CDH1: variants seen among roughly 807,000 people sequenced by gnomAD.
CDH1 encodes the protein cadherin 1.
In CDH1, 35 loss-of-function variants were observed where a neutral mutation model predicts 84.5. That is an observed-to-expected ratio of 0.41 (90% CI 0.32 to 0.55). The LOEUF (loss-of-function observed/expected upper bound fraction) is 0.55. Among genes scored for constraint, CDH1 ranks in the 20% least tolerant of loss-of-function variants. The pLI is 0.19. For missense variants in CDH1, 994 were observed against 1,126.6 expected, an observed-to-expected ratio of 0.88 and a Z score of 1.68; for synonymous variants, 417 against 439.0, an observed-to-expected ratio of 0.95 and a Z score of 0.63.
At chr16:68,775,313 T>G (rs1772605696) in intron 2 of CDH1, among the ~76,000 whole-genome samples, 1 of 152,172 alleles carries the variant, frequency 6.6e-6, no homozygotes, top group African/African-American at 2.4e-5. Context: ...ACAATGCCAT[T>G]ATCACAACTA....
chr16:68,807,357 G>A (rs1960692737), intron 3 of CDH1, among the ~76,000 whole-genome samples: 2 of 152,072 alleles, frequency 1.3e-5, no homozygotes, highest in Admixed American at 1.3e-4. Flanking sequence ...TCCACGTTGA[G>A]GACCTGTGTC....
chr16:68,760,017 A>C (rs10468275), intron 2 of CDH1, among the ~76,000 whole-genome samples: 1 of 151,064 alleles, frequency 6.6e-6, no homozygotes, highest in African/African-American at 2.4e-5. Context: ...TGCCCGGCTG[A>C]GTTTTTAAAA....
At chr16:68,786,862 C>A (rs1960066331) in intron 2 of CDH1, among the ~76,000 whole-genome samples, 1 of 152,218 alleles carries the variant, frequency 6.6e-6, no homozygotes, top group South Asian at 2.1e-4. Context: ...GCAGTGTTGG[C>A]TCCCAGCTGT....
intron 2 of CDH1, among the ~76,000 whole-genome samples, chr16:68,761,042 C>T (rs894129037): frequency 1.3e-5 from 2 of 152,178 alleles, no homozygotes; most frequent in Non-Finnish European, 2.9e-5. Flanking sequence ...ACTTCCGGTC[C>T]TCGAGTCACA....
chr16:68,814,411 G>T, intron 9 of CDH1: 1 of 152,812 alleles, frequency 6.5e-6, no homozygotes. Flanking sequence ...AACTGGGCGT[G>T]GTGGTGCACA....
intron 6 of CDH1, among the ~76,000 whole-genome samples, chr16:68,810,936 G>C (rs1009490782): frequency 7.9e-5 from 12 of 151,792 alleles, no homozygotes; most frequent in African/African-American, 1.2e-4. Context: ...AAACTCCCGG[G>C]CCCAAGCAAT....
intron 10 of CDH1, among the ~76,000 whole-genome samples, chr16:68,818,743 C>A (rs1338188206): frequency 6.8e-6 from 1 of 146,106 alleles, no homozygotes; most frequent in Non-Finnish European, 1.5e-5. Context: ...CCAGCTACTC[C>A]GGAGGCTGAG....
chr16:68,830,141 G>T (rs910244626), intron 15 of CDH1, among the ~76,000 whole-genome samples: 13 of 151,650 alleles, frequency 8.6e-5, no homozygotes, highest in African/African-American at 2.9e-4. Flanking sequence ...TTTAATAGAG[G>T]CAGGGTTTCT....
At chr16:68,748,530 TC>T (rs1428563760) in intron 2 of CDH1, among the ~76,000 whole-genome samples, 11 of 152,238 alleles carry the variant, frequency 7.2e-5, no homozygotes, top group Non-Finnish European at 1.6e-4. Context: ...ATTTAGCCAG[TC>T]CCTGATAGAT....
intron 2 of CDH1, among the ~76,000 whole-genome samples, chr16:68,745,646 C>T (rs1382029656): frequency 1.1e-4 from 6 of 56,322 alleles, no homozygotes; most frequent in Non-Finnish European, 2.2e-4. Flanking sequence ...TTTCATGATG[C>T]ACATGCCTAA....
chr16:68,823,347 C>A (rs1032615359), intron 12 of CDH1, 52 bp from the exon 13 acceptor site: 44 of 1,321,164 alleles, frequency 3.3e-5, no homozygotes, highest in Admixed American at 1.2e-4. Flanking sequence ...CTGGAATGAG[C>A]TTTTTATTTT....
chr16:68,782,823 C>T (rs772587950), intron 2 of CDH1, among the ~76,000 whole-genome samples: 24 of 152,104 alleles, frequency 1.6e-4, no homozygotes, highest in African/African-American at 5.6e-4. Flanking sequence ...CTTGCCCCTC[C>T]GTCCCTGGAC....
At chr16:68,743,081 T>C (rs1597842311) in intron 2 of CDH1, among the ~76,000 whole-genome samples, 2 of 152,312 alleles carry the variant, frequency 1.3e-5, no homozygotes, top group East Asian at 3.9e-4. Context: ...TGCCAGGTGG[T>C]TATGGAAATC....
intron 2 of CDH1, among the ~76,000 whole-genome samples, chr16:68,764,098 A>T (rs1415860725): frequency 1.3e-5 from 2 of 152,188 alleles, no homozygotes; most frequent in Non-Finnish European, 2.9e-5. Flanking sequence ...TTTACTTGTT[A>T]AAAAAGATGA....
At chr16:68,807,338 T>G (rs1197517602) in intron 3 of CDH1, among the ~76,000 whole-genome samples, 5 of 152,136 alleles carry the variant, frequency 3.3e-5, no homozygotes, top group Non-Finnish European at 7.4e-5. Flanking sequence ...CTACTTGTTT[T>G]GGGATAACTC....
intron 2 of CDH1, among the ~76,000 whole-genome samples, chr16:68,758,407 T>G (rs144462104): frequency 2.4e-3 from 364 of 151,760 alleles, no homozygotes; most frequent in Middle Eastern, 6.8e-3. Context: ...CAGTGCCTGG[T>G]ACGTAGCAAC....
intron 2 of CDH1, among the ~76,000 whole-genome samples, chr16:68,747,929 A>G (rs185660610): frequency 6.6e-6 from 1 of 151,810 alleles, no homozygotes; most frequent in East Asian, 1.9e-4. Flanking sequence ...ACACCCGGCT[A>G]ATTTTTGTAT....
chr16:68,805,309 C>T lies in CDH1; in HGVS notation c.388-3115C>T, dbSNP rs1046817586. Among the ~76,000 whole-genome samples, 6 of 152,006 alleles carry T rather than the reference C, an allele frequency of 3.9e-5. No individual in the cohort carries two copies. The South Asian group carries it at 6.2e-4, about 16-fold the overall frequency. ...TGCTGGGATTATAGGCGTGAGCCAC[C>T]GTGCCCCACCTGGTATCCTATTTTT... On this transcript the variant is annotated intron_variant, in intron 3 of 15. Coordinates refer to ENST00000261769, the MANE Select transcript of CDH1 (RefSeq NM_004360.5).
At chr16:68,798,782 G>A (rs140804454) in intron 2 of CDH1, among the ~76,000 whole-genome samples, 2 of 152,060 alleles carry the variant, frequency 1.3e-5, no homozygotes, top group East Asian at 3.9e-4. Context: ...TGCTGGGGGT[G>A]GGGGAGGACT....
Sources: gnomAD v4.1 joint callset for allele counts (sites outside exome capture counted in the v4.1 genomes callset) on GRCh38, gnomAD v4.1.1 for gene constraint, MANE v1.5 for transcripts, NCBI Gene and HGNC (gene_info 2026-07-23, HGNC 2026-07-21) for gene names.